MMP16: variants seen among roughly 807,000 people sequenced by gnomAD.
The protein encoded by MMP16 is matrix metalloproteinase-16.
MMP16 carries 12 observed loss-of-function variants against 67.8 expected under a neutral mutation model. The ratio of observed to expected loss-of-function variants is 0.18; its 90% CI spans 0.11 to 0.29. The LOEUF (loss-of-function observed/expected upper bound fraction) is 0.29, where lower values mean the gene tolerates loss of function less well. Among genes scored for constraint, MMP16 ranks in the 10% least tolerant of loss-of-function variants. The probability of loss-of-function intolerance (pLI) is 1.00; values close to 1 mark genes in which losing one functional copy is unlikely to be tolerated. For missense variants in MMP16, 475 were observed against 765.7 expected, an observed-to-expected ratio of 0.62 and a Z score of 4.48; for synonymous variants, 249 against 255.9, an observed-to-expected ratio of 0.97 and a Z score of 0.26.
chr8:88,052,857 C>T (rs534230275), intron 8 of MMP16, among the ~76,000 whole-genome samples: 3 of 152,298 alleles, frequency 2.0e-5, no homozygotes, highest in African/African-American at 4.8e-5. Context: ...ACAAGTGAGG[C>T]CTTCTCCCAA....
chr8:88,251,365 C>A (rs1472721379), intron 1 of MMP16, among the ~76,000 whole-genome samples: 1 of 150,820 alleles, frequency 6.6e-6, no homozygotes, highest in African/African-American at 2.5e-5. Context: ...TGATCTTTGA[C>A]AAACCTGAGA....
At chr8:88,118,240 G>T (rs1428559895) in intron 5 of MMP16, among the ~76,000 whole-genome samples, 2 of 151,862 alleles carry the variant, frequency 1.3e-5, no homozygotes, top group African/African-American at 4.8e-5. Flanking sequence ...GGTATTTTGT[G>T]GGCCTTCAAA....
At chr8:88,171,655 AT>A (rs1808805641) in intron 3 of MMP16, among the ~76,000 whole-genome samples, 1 of 152,194 alleles carries the variant, frequency 6.6e-6, no homozygotes. Flanking sequence ...ATATTATTTC[AT>A]TTTTAATAGG....
chr8:88,110,050 T>G (rs1261551294), intron 6 of MMP16, among the ~76,000 whole-genome samples: 1 of 151,246 alleles, frequency 6.6e-6, no homozygotes, highest in Non-Finnish European at 1.5e-5. Context: ...CAAAATAAAA[T>G]GTACATAATA....
chr8:88,187,413 T>A (rs1350055706), intron 2 of MMP16, among the ~76,000 whole-genome samples: 1 of 152,200 alleles, frequency 6.6e-6, no homozygotes, highest in Non-Finnish European at 1.5e-5. Context: ...AAGATTTTCA[T>A]GATTTGGGGG....
At chr8:88,307,083 A>G (rs910987917) in intron 1 of MMP16, among the ~76,000 whole-genome samples, 12 of 152,206 alleles carry the variant, frequency 7.9e-5, no homozygotes, top group African/African-American at 2.9e-4. Context: ...GCAAAGTCTC[A>G]GAATACAAAA....
intron 6 of MMP16, among the ~76,000 whole-genome samples, chr8:88,084,730 G>A (rs1808805975): frequency 1.3e-5 from 2 of 151,850 alleles, no homozygotes. Flanking sequence ...CAACTTTTCT[G>A]TATTTGTGAA....
chr8:88,082,776 A>AT lies in MMP16; in HGVS notation c.1084-8034dup, dbSNP rs536264325. Among the ~76,000 whole-genome samples, 1,055 of 151,448 alleles carry AT rather than the reference A, an allele frequency of 7.0e-3. 6 individuals are homozygous for AT. The highest frequency in any genetic ancestry group is 0.013 in the South Asian group (64 of 4,802). On this transcript the variant is annotated intron_variant, in intron 6 of 9. Coordinates refer to ENST00000286614, the MANE Select transcript of MMP16 (RefSeq NM_005941.5). ...ATTTCTCAGACTATGTGCATGTTTTATTTTTTTTTATTTTTATTAAATTTT... is the reference window on the plus strand; with the variant it reads ...ATTTCTCAGACTATGTGCATGTTTTATTTTTTTTTTATTTTTATTAAATTTT...
At chr8:88,190,502 CATT>C (rs1335887829) in intron 2 of MMP16, among the ~76,000 whole-genome samples, 1 of 152,136 alleles carries the variant, frequency 6.6e-6, no homozygotes, top group Admixed American at 6.6e-5. Flanking sequence ...TGTTGTCTAA[CATT>C]AAATACAAAA....
intron 4 of MMP16, among the ~76,000 whole-genome samples, chr8:88,163,012 T>A (rs970053955): frequency 6.6e-6 from 1 of 152,086 alleles, no homozygotes; most frequent in African/African-American, 2.4e-5. Flanking sequence ...AAAGTTCAAA[T>A]TTTGTAGGCC....
chr8:88,082,090 G>A (rs1811841670), intron 6 of MMP16, among the ~76,000 whole-genome samples: 1 of 151,830 alleles, frequency 6.6e-6, no homozygotes, highest in Admixed American at 6.6e-5. Flanking sequence ...TAAAAATCAA[G>A]GAAACAAACC....
chr8:88,301,598 T>C (rs1313917795), intron 1 of MMP16, among the ~76,000 whole-genome samples: 2 of 152,232 alleles, frequency 1.3e-5, no homozygotes. Context: ...TATGACATTA[T>C]GTGTATATAG....
intron 1 of MMP16, among the ~76,000 whole-genome samples, chr8:88,237,492 C>T (rs184751230): frequency 2.6e-5 from 4 of 152,014 alleles, no homozygotes; most frequent in African/African-American, 9.7e-5. Flanking sequence ...ACTAAATATA[C>T]AAAAAATTAG....
rs369898699 is a variant in MMP16 at position 88,167,982 on chromosome 8, T to C, written c.405-9A>G. On this transcript the variant is annotated splice_polypyrimidine_tract_variant and intron_variant, in intron 3 of 9. Transcript: ENST00000286614. ...GAGTTACGTTCTTTATACTGAAAGT[T>C]AGAAAATATAATCATCAGTATTGTT... 15 of 1,590,676 alleles carry C rather than the reference T, an allele frequency of 9.4e-6. No individual in the cohort carries two copies. The East Asian group carries it at 3.1e-4, about 33-fold the overall frequency.
At chr8:88,164,556 T>C (rs1808681162) in intron 4 of MMP16, among the ~76,000 whole-genome samples, 1 of 152,048 alleles carries the variant, frequency 6.6e-6, no homozygotes, top group Non-Finnish European at 1.5e-5. Flanking sequence ...AGTAAATCTT[T>C]TTGGCATTAC....
chr8:88,282,887 T>C (rs1810763734), intron 1 of MMP16, among the ~76,000 whole-genome samples: 1 of 152,214 alleles, frequency 6.6e-6, no homozygotes. Context: ...GTTCCACATA[T>C]TATTCTTTTC....
chr8:88,293,587 A>C (rs1232936508), intron 1 of MMP16, among the ~76,000 whole-genome samples: 1 of 152,148 alleles, frequency 6.6e-6, no homozygotes, highest in Non-Finnish European at 1.5e-5. Context: ...AACAAATAAA[A>C]AGGGTATTAT....
At chr8:88,126,799 C>T (rs1345356380) in intron 4 of MMP16, among the ~76,000 whole-genome samples, 1 of 151,812 alleles carries the variant, frequency 6.6e-6, no homozygotes, top group Non-Finnish European at 1.5e-5. Flanking sequence ...TCAGTTTCTT[C>T]ATTGGTAAAG....
In MMP16 at chr8:88,118,692, T is replaced by G. The variant is rs769202032; in HGVS notation, c.871+8A>C. On this transcript the variant is annotated splice_region_variant and intron_variant, in intron 5 of 9. Transcript: ENST00000286614. ...CGGATTAAGCAAATTGAAACAGTAG[T>G]AACCTACCATATATCTTCTGGATGC... 1.9e-6 allele frequency: 3 copies of G among 1,611,718 alleles called. No homozygotes were observed. The highest frequency in any genetic ancestry group is 2.5e-6 in the Non-Finnish European group (3 of 1,178,448).
Sources: allele counts gnomAD v4.1 joint callset (sites outside exome capture counted in the v4.1 genomes callset), GRCh38; gene constraint gnomAD v4.1.1; transcripts MANE v1.5; gene names NCBI Gene and HGNC (gene_info 2026-07-23, HGNC 2026-07-21).